The following WAPL variants were observed in gnomAD, a reference collection of about 807,000 sequenced individuals.
The protein encoded by WAPL is wings apart-like protein homolog.
Under a neutral mutation model 121.0 loss-of-function variants are expected in WAPL, and 5 were observed. The ratio of observed to expected loss-of-function variants is 0.04; its 90% CI spans 0.02 to 0.09. The LOEUF is 0.09. Among genes scored for constraint, WAPL ranks in the 10% least tolerant of loss-of-function variants. WAPL has a pLI of 1.00. For missense variants in WAPL, 999 were observed against 1,410.8 expected (o/e 0.71, Z 4.68); for synonymous variants, 480 against 481.5 (o/e 1.00, Z 0.04).
At chr10:86,484,201 G>T (rs1480115047) in intron 4 of WAPL, among the ~76,000 whole-genome samples, 2 of 152,138 alleles carry the variant, frequency 1.3e-5, no homozygotes, top group Non-Finnish European at 2.9e-5. Flanking sequence ...ATGTTAAAAA[G>T]TTACAGTAAG....
At chr10:86,455,499 C>G (rs1435399542) in intron 12 of WAPL, among the ~76,000 whole-genome samples, 2 of 151,504 alleles carry the variant, frequency 1.3e-5, no homozygotes, top group Non-Finnish European at 2.9e-5. Context: ...CGTTAAGAGT[C>G]ATCACCACTC....
chr10:86,437,437 G>C lies in WAPL; in HGVS notation c.*106C>G, dbSNP rs922293443. The C allele has an allele frequency of 8.4e-6, 10 of 1,194,480 alleles. No homozygotes were observed. In the Admixed American group the frequency reaches 2.3e-4, roughly 27 times the overall value. 74.0% of individuals were successfully genotyped at this position (1,194,480 alleles called of 1,614,324 possible). On this transcript the variant is annotated 3_prime_UTR_variant, in exon 19 of 19. Transcript: ENST00000298767. Reference sequence around the variant, plus strand: ...TAAAAATCCAAACACGAATGATACTGATGAATGTTCTTGGTATATCTTCAA... The same window carrying C: ...TAAAAATCCAAACACGAATGATACTCATGAATGTTCTTGGTATATCTTCAA...
intron 15 of WAPL, among the ~76,000 whole-genome samples, chr10:86,448,992 A>C (rs1840903465): frequency 6.6e-6 from 1 of 152,204 alleles, no homozygotes; most frequent in African/African-American, 2.4e-5. Flanking sequence ...ACAAATGGTA[A>C]CGTTTTAGGA....
intron 15 of WAPL, among the ~76,000 whole-genome samples, chr10:86,447,493 G>T (rs543509913): frequency 6.6e-6 from 1 of 152,150 alleles, no homozygotes; most frequent in South Asian, 2.1e-4. Context: ...TACTGTTTCT[G>T]GACATATACA....
chr10:86,454,073 G>C (rs369529133), intron 12 of WAPL, among the ~76,000 whole-genome samples: 30 of 152,156 alleles, frequency 2.0e-4, no homozygotes, highest in African/African-American at 7.0e-4. Flanking sequence ...GCATGTTATT[G>C]ATCTCTCCAA....
intron 16 of WAPL, among the ~76,000 whole-genome samples, chr10:86,445,463 C>T (rs1205206625): frequency 6.6e-6 from 1 of 151,604 alleles, no homozygotes; most frequent in African/African-American, 2.4e-5. Flanking sequence ...AAAGTTGTAT[C>T]ACAAATTCTG....
intron 4 of WAPL, among the ~76,000 whole-genome samples, chr10:86,490,831 G>A (rs1842031205): frequency 2.0e-5 from 3 of 152,048 alleles, no homozygotes; most frequent in African/African-American, 7.2e-5. Flanking sequence ...GGGAGGCCGA[G>A]GCAGGTGGAT....
chr10:86,442,188 C>T (rs574840095), intron 17 of WAPL, among the ~76,000 whole-genome samples: 49 of 152,266 alleles, frequency 3.2e-4, no homozygotes, highest in African/African-American at 1.1e-3. Flanking sequence ...TGCACCGCCA[C>T]GCCCAGCAAA....
At chr10:86,514,198 G>A (rs1842515627) in intron 2 of WAPL, among the ~76,000 whole-genome samples, 1 of 152,198 alleles carries the variant, frequency 6.6e-6, no homozygotes, top group Admixed American at 6.5e-5. Context: ...CAAGAGAAAT[G>A]ACCAGTTTAG....
rs76699142 is a variant in WAPL at position 86,438,566 on chromosome 10, G to A, written c.3412-551C>T. ...AGCATGCCGACCTACTTTCATAAATGCAAAGAAAAAGGCCTGAAATAACAA... is the reference window on the plus strand; with the variant it reads ...AGCATGCCGACCTACTTTCATAAATACAAAGAAAAAGGCCTGAAATAACAA... On this transcript the variant is annotated intron_variant, in intron 17 of 18. Coordinates refer to ENST00000298767, the MANE Select transcript of WAPL (RefSeq NM_015045.5). 9.8e-5 allele frequency among the ~76,000 whole-genome samples: 15 copies of A among 152,304 alleles called. No homozygotes were observed. In the East Asian group the frequency reaches 1.7e-3, roughly 18 times the overall value.
Position 86,471,005 on chromosome 10 carries a change from G to C in WAPL, c.2129C>G (p.Ser710Cys), listed in dbSNP as rs1163365973. 4.3e-6 allele frequency: 7 copies of C among 1,613,366 alleles called. No homozygotes were observed. Among genetic ancestry groups the C allele is most frequent in the Non-Finnish European group, 5.9e-6 (7 of 1,179,708 alleles). The change falls in exon 8 of 19, where the codon TCC (serine) becomes TGC (cysteine). Residue 710 changes from serine (S) to cysteine (C), a missense_variant. Physicochemically the swap from Ser to Cys is moderately radical, Grantham distance 112 (BLOSUM62 -1). Around this residue, in one of 7 missense-constraint regions of WAPL, gnomAD observed 118 missense variants for 318.3 expected, o/e 0.37. Coordinates refer to ENST00000298767, the MANE Select transcript of WAPL (RefSeq NM_015045.5). ...VAMVFKTLDD[S>C]QHHQNLSLCT... ...CTTAAAAAATACCTGATGGTGCTGG[G>C]AATCATCCAAGGTTTTAAAGACCAT...
intron 2 of WAPL, among the ~76,000 whole-genome samples, chr10:86,509,645 T>A (rs979192283): frequency 5.3e-5 from 8 of 152,174 alleles, no homozygotes; most frequent in African/African-American, 1.9e-4. Context: ...TAGACCTTCC[T>A]ATGAACAAAC....
chr10:86,506,821 T>C (rs1383776249), intron 2 of WAPL, among the ~76,000 whole-genome samples: 1 of 151,842 alleles, frequency 6.6e-6, no homozygotes. Context: ...CTGGGGTTCA[T>C]TCTTTCTACC....
At chr10:86,490,403 G>A (rs1842021248) in intron 4 of WAPL, among the ~76,000 whole-genome samples, 1 of 152,056 alleles carries the variant, frequency 6.6e-6, no homozygotes, top group Non-Finnish European at 1.5e-5. Context: ...ATTTACTTTA[G>A]GCCAGATAGA....
chr10:86,457,337 A>AAAG (rs1841173112), intron 12 of WAPL, among the ~76,000 whole-genome samples: 1 of 150,860 alleles, frequency 6.6e-6, no homozygotes, highest in Non-Finnish European at 1.5e-5. Context: ...TAAAAAAAAA[A>AAAG]AAAAAAAAGA....
intron 15 of WAPL, 132 bp from the exon 16 acceptor site, chr10:86,446,581 G>C (rs2132168019): frequency 9.6e-7 from 1 of 1,044,570 alleles, no homozygotes; most frequent in South Asian, 1.7e-5. Flanking sequence ...AAAGAGGTGA[G>C]TATAAGTAAA....
chr10:86,476,698 A>G (rs2132197617), intron 4 of WAPL, among the ~76,000 whole-genome samples: 1 of 152,280 alleles, frequency 6.6e-6, no homozygotes, highest in Non-Finnish European at 1.5e-5. Flanking sequence ...AAAAAAAAAA[A>G]AAAAAAAGTG....
intron 2 of WAPL, among the ~76,000 whole-genome samples, chr10:86,503,752 CA>C (rs34620393): frequency 0.95 from 140,004 of 147,256 alleles, 66,639 homozygotes; most frequent in East Asian, 1. Context: ...GACTCCATCT[CA>C]AAAAAAAAAA....
intron 9 of WAPL, among the ~76,000 whole-genome samples, chr10:86,466,390 G>A (rs1266983339): frequency 2.0e-5 from 3 of 151,780 alleles, no homozygotes; most frequent in East Asian, 3.9e-4. Context: ...GCAACATGGC[G>A]AAAACCCCAT....
Sources: allele counts gnomAD v4.1 joint callset (sites outside exome capture counted in the v4.1 genomes callset), GRCh38; gene constraint gnomAD v4.1.1; regional missense constraint gnomAD v4.1.1; transcripts MANE v1.5; gene names NCBI Gene and HGNC (gene_info 2026-07-23, HGNC 2026-07-21).